The following LMX1B variants were observed in gnomAD, a reference collection of about 807,000 sequenced individuals.
The protein encoded by LMX1B is LIM homeobox transcription factor 1-beta.
Under a neutral mutation model 51.4 loss-of-function variants are expected in LMX1B, and 12 were observed. That is an observed-to-expected ratio of 0.23 (90% confidence interval 0.15 to 0.38). The LOEUF (loss-of-function observed/expected upper bound fraction) is 0.38. LMX1B is among the 10% of genes least tolerant of loss of function. LMX1B has a pLI of 1.00. For missense variants in LMX1B, 445 were observed against 571.1 expected (o/e 0.78, Z 2.25); for synonymous variants, 237 against 235.4 (o/e 1.01, Z -0.06).
At chr9:126,620,704 T>C (rs1439859928) in intron 2 of LMX1B, among the ~76,000 whole-genome samples, 1 of 151,822 alleles carries the variant, frequency 6.6e-6, no homozygotes, top group African/African-American at 2.4e-5. Context: ...GGTGGCCGGG[T>C]GTGCTGGCTC....
intron 2 of LMX1B, among the ~76,000 whole-genome samples, chr9:126,672,259 T>C (rs1836472343): frequency 6.6e-6 from 1 of 152,180 alleles, no homozygotes; most frequent in South Asian, 2.1e-4. Context: ...TTAGAGGGAC[T>C]GAATGAGAGC....
intron 2 of LMX1B, among the ~76,000 whole-genome samples, chr9:126,616,039 G>A (rs1835297632): frequency 6.6e-6 from 1 of 152,200 alleles, no homozygotes; most frequent in African/African-American, 2.4e-5. Flanking sequence ...CGGCCTGAGC[G>A]GCAAGGGAGG....
At chr9:126,621,655 C>CTTTTTTTTTTTTTTTTTTTTTTT (rs71377950) in intron 2 of LMX1B, among the ~76,000 whole-genome samples, 1 of 116,904 alleles carries the variant, frequency 8.6e-6, no homozygotes, top group African/African-American at 4.0e-5. Context: ...TCTCTCTCTT[C>CTTTTTTTTTTTTTTTTTTTTTTT]TTTTTTTTTT....
At chr9:126,650,735 G>A (rs1246338173) in intron 2 of LMX1B, among the ~76,000 whole-genome samples, 2 of 152,216 alleles carry the variant, frequency 1.3e-5, no homozygotes, top group African/African-American at 4.8e-5. Context: ...CCTCCAAGCC[G>A]CTGGAAGTTG....
chr9:126,625,950 C>G lies in LMX1B; in HGVS notation c.326+10381C>G, dbSNP rs919474101. ...GCGTCGGAGAAGCGGCCGCGCTGTT[C>G]CGGGTCACTGCACCGGCTGAAAAAA... On this transcript the variant is annotated intron_variant, in intron 2 of 7. Coordinates refer to ENST00000373474, the MANE Select transcript of LMX1B (RefSeq NM_001174147.2). This position sits in a 1 kb window ranked among gnomAD's most constrained non-coding sequence, Gnocchi z 5.3. Among the ~76,000 whole-genome samples, 1 of 152,226 alleles carries G rather than the reference C, an allele frequency of 6.6e-6. No individual in the cohort carries two copies. Among genetic ancestry groups the G allele is most frequent in the African/African-American group, 2.4e-5 (1 of 41,468 alleles).
intron 2 of LMX1B, among the ~76,000 whole-genome samples, chr9:126,682,894 G>GGAAAA (rs768290249): frequency 1.2e-5 from 1 of 86,140 alleles, no homozygotes; most frequent in Non-Finnish European, 2.2e-5. Flanking sequence ...CACTCTGTCT[G>GGAAAA]AAAAAAAAAA....
At chr9:126,640,118 C>G (rs1835781777) in intron 2 of LMX1B, among the ~76,000 whole-genome samples, 1 of 152,160 alleles carries the variant, frequency 6.6e-6, no homozygotes, top group Non-Finnish European at 1.5e-5. Flanking sequence ...AAGAGAACAC[C>G]CCGTTGTATA....
intron 2 of LMX1B, among the ~76,000 whole-genome samples, chr9:126,629,427 G>T (rs1835596025): frequency 6.6e-6 from 1 of 152,140 alleles, no homozygotes; most frequent in African/African-American, 2.4e-5. Context: ...ATTATTATTT[G>T]CATTTTCAGG....
intron 2 of LMX1B, among the ~76,000 whole-genome samples, chr9:126,676,211 T>G (rs928714907): frequency 6.6e-6 from 1 of 152,174 alleles, no homozygotes; most frequent in Non-Finnish European, 1.5e-5. Context: ...CTCAGGACCT[T>G]TGCACACAGT....
chr9:126,661,788 G>T (rs1836251858), intron 2 of LMX1B, among the ~76,000 whole-genome samples: 3 of 152,190 alleles, frequency 2.0e-5, no homozygotes. Flanking sequence ...AGCCCTGAGG[G>T]TTTCCTGCAA....
intron 2 of LMX1B, among the ~76,000 whole-genome samples, chr9:126,680,922 C>T (rs925130349): frequency 6.6e-6 from 1 of 152,040 alleles, no homozygotes; most frequent in African/African-American, 2.4e-5. Flanking sequence ...CCAAGTTCAG[C>T]CAGAAACGAT....
At chr9:126,674,641 G>A (rs1836521166) in intron 2 of LMX1B, among the ~76,000 whole-genome samples, 1 of 152,174 alleles carries the variant, frequency 6.6e-6, no homozygotes, top group African/African-American at 2.4e-5. Context: ...CCCATCTCAG[G>A]CAGGGCTCCC....
At chr9:126,635,488 T>G (rs1300109654) in intron 2 of LMX1B, among the ~76,000 whole-genome samples, 1 of 152,224 alleles carries the variant, frequency 6.6e-6, no homozygotes, top group Non-Finnish European at 1.5e-5. Context: ...TGATGATTGA[T>G]GTCACAGCAC....
rs569849525 is a variant in LMX1B at position 126,699,255 on chromosome 9, G to C, written c.*2804G>C. ...AGAGGCCTGTCCAAGGTCCGGGTTA[G>C]TGACAGAGCTGAGCTGAGAACAGGG... On this transcript the variant is annotated 3_prime_UTR_variant, in exon 8 of 8. Coordinates refer to ENST00000373474, the MANE Select transcript of LMX1B (RefSeq NM_001174147.2). 65 of 152,346 alleles carry C rather than the reference G, an allele frequency of 4.3e-4. No individual in the cohort carries two copies. Among genetic ancestry groups the C allele is most frequent in the African/African-American group, 1.6e-3 (65 of 41,578 alleles). 9.4% of individuals were successfully genotyped at this position (152,346 alleles called of 1,614,324 possible). A position where few individuals can be genotyped will look rare whatever the true frequency, so the allele number is the denominator to read the frequency against.
At chr9:126,654,858 A>AT (rs1283455133) in intron 2 of LMX1B, among the ~76,000 whole-genome samples, 1 of 152,020 alleles carries the variant, frequency 6.6e-6, no homozygotes, top group African/African-American at 2.4e-5. Context: ...AGGCCTAGAC[A>AT]TTCACCCTAC....
chr9:126,670,953 G>A (rs1836438774), intron 2 of LMX1B, among the ~76,000 whole-genome samples: 1 of 152,194 alleles, frequency 6.6e-6, no homozygotes, highest in African/African-American at 2.4e-5. Flanking sequence ...TAGGCATGAG[G>A]ATTGGGAGCC....
At position 126,613,930 on chromosome 9, in the gene LMX1B, C is replaced by A. The variant is rs1032859554; in HGVS notation, c.-520C>A. Among the ~76,000 whole-genome samples, 2 of 146,872 alleles carry A rather than the reference C, an allele frequency of 1.4e-5. No individual in the cohort carries two copies. The highest frequency in any genetic ancestry group is 4.9e-5 in the African/African-American group (2 of 40,948). On this transcript the variant is annotated 5_prime_UTR_variant, in exon 1 of 8. Transcript: ENST00000373474. The surrounding 1 kb of genome is among the most constrained non-coding windows in gnomAD (Gnocchi z 4.5). ...GCGGCCCGTATCCCTCCGCCGCCAGCCCCAGCTCTAAACCCGGCGGCTCAG... is the reference window on the plus strand; with the variant it reads ...GCGGCCCGTATCCCTCCGCCGCCAGACCCAGCTCTAAACCCGGCGGCTCAG...
rs1195102119 is a variant in LMX1B at position 126,677,287 on chromosome 9, C to T, written c.327-13549C>T. Among the ~76,000 whole-genome samples, 4 of 152,162 alleles carry T rather than the reference C, an allele frequency of 2.6e-5. No individual in the cohort carries two copies. Among genetic ancestry groups the T allele is most frequent in the Admixed American group, 1.3e-4 (2 of 15,282 alleles). On this transcript the variant is annotated intron_variant, in intron 2 of 7. Coordinates refer to ENST00000373474, the MANE Select transcript of LMX1B (RefSeq NM_001174147.2). This position sits in a 1 kb window ranked among gnomAD's most constrained non-coding sequence, Gnocchi z 5.0. ...CCTCCTTTTAATTCCTGCTCCTGCCCCCTCCTCTCCGAGCTCCCCTGGGCT... is the reference window on the plus strand; with the variant it reads ...CCTCCTTTTAATTCCTGCTCCTGCCTCCTCCTCTCCGAGCTCCCCTGGGCT...
chr9:126,696,076 C>A, intron 7 of LMX1B, 73 bp downstream of exon 7: 1 of 1,284,780 alleles, frequency 7.8e-7, no homozygotes, highest in Admixed American at 2.8e-5. Context: ...AGGCCTGGGG[C>A]CAGGACAGCC....
Sources: allele counts gnomAD v4.1 joint callset (sites outside exome capture counted in the v4.1 genomes callset), GRCh38; gene constraint gnomAD v4.1.1; non-coding constraint Gnocchi (gnomAD v3.1); transcripts MANE v1.5; gene names NCBI Gene and HGNC (gene_info 2026-07-23, HGNC 2026-07-21).